TOGARAM2: variants seen among roughly 807,000 people sequenced by gnomAD.
TOGARAM2 encodes the protein TOG array regulator of axonemal microtubules 2, also known as TOG array regulator of axonemal microtubules protein 2.
A neutral mutation model predicts 93.3 loss-of-function variants in TOGARAM2; 85 were observed. That is an observed-to-expected ratio of 0.91 (90% CI 0.76 to 1.09). TOGARAM2 has a LOEUF of 1.09. Among genes scored for constraint, TOGARAM2 ranks in the 50% least tolerant of loss-of-function variants. The pLI, the probability that TOGARAM2 is intolerant of heterozygous loss-of-function variation, is 0.00. For missense variants in TOGARAM2, 1,277 were observed against 1,334.5 expected, an observed-to-expected ratio of 0.96 and a Z score of 0.67; for synonymous variants, 593 against 552.8, an observed-to-expected ratio of 1.07 and a Z score of -1.02.
In TOGARAM2 at chr2:28,998,146, A is replaced by G. The variant is rs1483091366; in HGVS notation, c.32A>G (p.Lys11Arg). 1.7e-5 allele frequency: 27 copies of G among 1,601,924 alleles called. No homozygotes were observed. The highest frequency in any genetic ancestry group is 2.3e-5 in the East Asian group (1 of 44,412). The stretch of plus-strand genomic sequence containing the variant: ...TCTCCTGTGCTTCTGTCTCCAGCCA[A>G]GGTCCTGGTCCCCGTGGCCGTGTAC... Reference protein sequence around the residue: MGTRDDVPEAKVLVPVAVYCG... With the variant: MGTRDDVPEARVLVPVAVYCG... The change falls in exon 3 of 20, where the codon AAG becomes AGG. Residue 11 changes from lysine to arginine, a missense_variant. Physicochemically the swap from Lys to Arg is conservative, Grantham distance 26 (BLOSUM62 2). Coordinates refer to ENST00000379558, the MANE Select transcript of TOGARAM2 (RefSeq NM_199280.4).
intron 1 of TOGARAM2, among the ~76,000 whole-genome samples, chr2:28,957,664 G>T (rs752156430): frequency 6.6e-6 from 1 of 152,148 alleles, no homozygotes; most frequent in African/African-American, 2.4e-5. Context: ...GAACATTCCA[G>T]TTTGGGCAAC....
chr2:29,045,426 C>T lies in TOGARAM2; in HGVS notation c.2722+16C>T. The T allele has an allele frequency of 3.1e-6, 5 of 1,600,108 alleles. 1 individual carries two copies. The South Asian group carries it at 3.3e-5, about 11-fold the overall frequency. On this transcript the variant is annotated intron_variant, in intron 19 of 19. Coordinates refer to ENST00000379558, the MANE Select transcript of TOGARAM2 (RefSeq NM_199280.4). Reference sequence around the variant, plus strand: ...CGCCTGGCAGGTGAGCACCCCCAGCCCCACCCCACCCCATCTCCTGGCAGA... The same window carrying T: ...CGCCTGGCAGGTGAGCACCCCCAGCTCCACCCCACCCCATCTCCTGGCAGA...
In TOGARAM2 at chr2:29,014,688, C is replaced by T. The variant is rs184176762; in HGVS notation, c.1044+127C>T. 131 of 1,256,694 alleles carry T rather than the reference C, an allele frequency of 1.0e-4. 2 individuals carry two copies. In the African/African-American group the frequency reaches 1.6e-3, roughly 16 times the overall value. 77.8% of individuals were successfully genotyped at this position (1,256,694 alleles called of 1,614,324 possible). A position where few individuals can be genotyped will look rare whatever the true frequency, so the allele number is the denominator to read the frequency against. The stretch of plus-strand genomic sequence containing the variant: ...AGAGCAGAGCAAGGAGAGCCCGAGG[C>T]AGCCACCCAAGTACTAAAGGCCAGA... On this transcript the variant is annotated intron_variant, in intron 8 of 19. Transcript: ENST00000379558.
chr2:29,006,065 GTA>G (rs1663775817), intron 6 of TOGARAM2, among the ~76,000 whole-genome samples: 11 of 138,902 alleles, frequency 7.9e-5, no homozygotes, highest in South Asian at 2.4e-4. Context: ...GTGTGTATGT[GTA>G]TGTGTGAGAG....
In TOGARAM2 at chr2:28,956,978, G is replaced by A. The variant is rs1194512765; in HGVS notation, c.-147+281G>A. On this transcript the variant is annotated intron_variant, in intron 1 of 6. Transcript: ENST00000401723. The surrounding 1 kb of genome is among the most constrained non-coding windows in gnomAD (Gnocchi z 4.5). ...TGTCTCTACTAAAAGTACAAAAATTGGCCGGGAATGGTGGAGGGCATCTGT... is the reference window on the plus strand; with the variant it reads ...TGTCTCTACTAAAAGTACAAAAATTAGCCGGGAATGGTGGAGGGCATCTGT... Among the ~76,000 whole-genome samples the A allele has an allele frequency of 6.6e-6, 1 of 151,878 alleles. No individual in the cohort carries two copies. Among genetic ancestry groups the A allele is most frequent in the Admixed American group, 6.6e-5 (1 of 15,252 alleles).
chr2:29,006,818 C>T (rs1663906084), intron 6 of TOGARAM2, among the ~76,000 whole-genome samples: 1 of 152,156 alleles, frequency 6.6e-6, no homozygotes, highest in South Asian at 2.1e-4. Flanking sequence ...CCATTGCACA[C>T]GTCCTCCCCT....
At chr2:28,966,443 G>C (rs952578360) in intron 1 of TOGARAM2, among the ~76,000 whole-genome samples, 4 of 151,728 alleles carry the variant, frequency 2.6e-5, no homozygotes, top group African/African-American at 4.8e-5. Context: ...GACTACAGGC[G>C]CACACCACCA....
chr2:28,961,797 G>A (rs1006291907), intron 1 of TOGARAM2, among the ~76,000 whole-genome samples: 2 of 152,150 alleles, frequency 1.3e-5, no homozygotes, highest in Admixed American at 1.3e-4. Context: ...AATCCCAAAT[G>A]TCCCTCTTTT....
At chr2:28,974,430 T>G (rs1401815098) in intron 1 of TOGARAM2, among the ~76,000 whole-genome samples, 1 of 152,112 alleles carries the variant, frequency 6.6e-6, no homozygotes, top group Non-Finnish European at 1.5e-5. Flanking sequence ...TCATCCTATG[T>G]GGGGGTGCTT....
intron 1 of TOGARAM2, among the ~76,000 whole-genome samples, chr2:28,972,850 C>A (rs1323456108): frequency 6.6e-6 from 1 of 152,182 alleles, no homozygotes; most frequent in African/African-American, 2.4e-5. Flanking sequence ...TCCTATGAAA[C>A]ATCCTGGAAA....
intron 19 of TOGARAM2, chr2:29,045,750 T>C (rs1332208002): frequency 3.3e-6 from 1 of 304,200 alleles, no homozygotes; most frequent in African/African-American, 2.2e-5. Flanking sequence ...ATTGGGGCAT[T>C]TCCGATTTCA....
At chr2:28,989,470 T>C (rs1672615950) in intron 1 of TOGARAM2, among the ~76,000 whole-genome samples, 1 of 152,036 alleles carries the variant, frequency 6.6e-6, no homozygotes, top group Non-Finnish European at 1.5e-5. Context: ...CAATCTCAGC[T>C]CACTGCAGCC....
In TOGARAM2 at chr2:28,960,100, G is replaced by A. The variant is rs564069304; in HGVS notation, c.-147+3403G>A. On this transcript the variant is annotated intron_variant, in intron 1 of 6. Coordinates refer to the TOGARAM2 transcript ENST00000401723. ...ATTATAATCTTATGGGACCACCGTT[G>A]TATATGTGGTCCAACATTGACCAAA... 9.8e-5 allele frequency among the ~76,000 whole-genome samples: 15 copies of A among 152,300 alleles called. No individual in the cohort carries two copies. The East Asian group carries it at 1.5e-3, about 16-fold the overall frequency.
At chr2:29,017,978 G>A (rs751952825) in intron 10 of TOGARAM2, 22 bp downstream of exon 10, 12 of 1,574,702 alleles carry the variant, frequency 7.6e-6, no homozygotes, top group Non-Finnish European at 9.5e-6. Context: ...CGACTGGCAG[G>A]CACACGTGTC....
chr2:29,007,916 C>T (rs1385994070), intron 6 of TOGARAM2, among the ~76,000 whole-genome samples: 3 of 151,988 alleles, frequency 2.0e-5, no homozygotes, highest in African/African-American at 7.2e-5. Context: ...TCTGCAACCC[C>T]AACAGCCTCT....
chr2:29,006,794 C>T (rs755331803), intron 6 of TOGARAM2, among the ~76,000 whole-genome samples: 5 of 152,122 alleles, frequency 3.3e-5, no homozygotes, highest in Non-Finnish European at 5.9e-5. Context: ...GCTCCACTGA[C>T]CTCCGCCTCC....
At chr2:29,022,394 T>C in intron 11 of TOGARAM2, 86 bp downstream of exon 11, 2 of 1,535,606 alleles carry the variant, frequency 1.3e-6, no homozygotes, top group Non-Finnish European at 1.8e-6. Flanking sequence ...ACTTCCCTCC[T>C]CTCCCACTCT....
intron 1 of TOGARAM2, among the ~76,000 whole-genome samples, chr2:28,963,622 C>T (rs1233609920): frequency 6.6e-6 from 1 of 152,226 alleles, no homozygotes; most frequent in African/African-American, 2.4e-5. Context: ...AGTGATCCTC[C>T]TGTCCTCCCG....
At chr2:29,038,337 C>G (rs1406117258) in intron 18 of TOGARAM2, among the ~76,000 whole-genome samples, 1 of 152,124 alleles carries the variant, frequency 6.6e-6, no homozygotes, top group African/African-American at 2.4e-5. Context: ...AGGGTTGGCT[C>G]TCTTCCTCTC....
Sources: allele counts gnomAD v4.1 joint callset (sites outside exome capture counted in the v4.1 genomes callset), GRCh38; gene constraint gnomAD v4.1.1; non-coding constraint Gnocchi (gnomAD v3.1); transcripts MANE v1.5; gene names NCBI Gene and HGNC (gene_info 2026-07-23, HGNC 2026-07-21).